Variants in DHRS12 observed in about 807,000 individuals in gnomAD.
The protein encoded by DHRS12 is dehydrogenase/reductase 12, also known as dehydrogenase/reductase SDR family member 12.
Under a neutral mutation model 32.1 loss-of-function variants are expected in DHRS12, and 29 were observed. That is an observed-to-expected ratio of 0.90 (90% CI 0.67 to 1.23). DHRS12 has a LOEUF of 1.23. DHRS12 is among the 50% of genes most tolerant of loss of function. DHRS12 has a pLI of 0.00. For missense variants in DHRS12, 330 were observed against 337.2 expected (o/e 0.98, Z 0.17); for synonymous variants, 150 against 135.9 (o/e 1.10, Z -0.72).
chr13:51,773,727 TC>T (rs1011983683), intron 6 of DHRS12, among the ~76,000 whole-genome samples: 1 of 151,812 alleles, frequency 6.6e-6, no homozygotes, highest in Non-Finnish European at 1.5e-5. Flanking sequence ...TTGTGGCTCC[TC>T]CCAGGATGCT....
At position 51,781,008 on chromosome 13, in the gene DHRS12, C is replaced by G. The variant is rs370282653; in HGVS notation, c.302-3887G>C. Among the ~76,000 whole-genome samples, 298 of 152,264 alleles carry G rather than the reference C, an allele frequency of 2.0e-3. 1 individual carries two copies. The highest frequency in any genetic ancestry group is 6.8e-3 in the African/African-American group (284 of 41,546). ...TGCTTCCATCCACGCTACTATCTGA[C>G]GGAGAAAACCATTGTCTTGCTGTCC... On this transcript the variant is annotated intron_variant, in intron 4 of 8. Coordinates refer to ENST00000444610, the MANE Select transcript of DHRS12 (RefSeq NM_001377533.1).
At chr13:51,778,863 C>G (rs1402180044) in intron 4 of DHRS12, among the ~76,000 whole-genome samples, 1 of 152,074 alleles carries the variant, frequency 6.6e-6, no homozygotes, top group Non-Finnish European at 1.5e-5. Context: ...CAATAATAAT[C>G]TGCTAAAATA....
At chr13:51,771,116 A>G in intron 7 of DHRS12, 1 of 1,483,982 alleles carries the variant, frequency 6.7e-7, no homozygotes, top group Admixed American at 2.2e-5. Context: ...GGGTGTGATA[A>G]TAGACAGTAG....
chr13:51,769,782 C>A (rs1953930069), intron 7 of DHRS12, among the ~76,000 whole-genome samples: 1 of 152,212 alleles, frequency 6.6e-6, no homozygotes, highest in Non-Finnish European at 1.5e-5. Flanking sequence ...GGAAAGAATT[C>A]TTCACTTCCT....
chr13:51,763,160 A>G (rs940242029), downstream of DHRS12: 7 of 152,230 alleles, frequency 4.6e-5, no homozygotes, highest in African/African-American at 1.4e-4. Context: ...ATCTAAAAGA[A>G]TGTTCAAGGA....
rs776157636 is a variant in DHRS12, at chr13:51,771,360, C to G, written c.559+461G>C. 21 of 1,612,996 alleles carry G rather than the reference C, an allele frequency of 1.3e-5. No homozygotes were observed. Among genetic ancestry groups the G allele is most frequent in the Admixed American group, 1.7e-5 (1 of 59,850 alleles). On this transcript the variant is annotated intron_variant, in intron 7 of 8. Coordinates refer to ENST00000444610, the MANE Select transcript of DHRS12 (RefSeq NM_001377533.1). The stretch of plus-strand genomic sequence containing the variant: ...CTGCTCCCCTCCACCGCTGCTCCAA[C>G]ACGCTTCCAGATCATTCGAGCTGTG...
chr13:51,771,562 G>A (rs1009576204), intron 7 of DHRS12: 65 of 1,586,606 alleles, frequency 4.1e-5, no homozygotes, highest in Admixed American at 8.6e-5. Flanking sequence ...TTAGCAGGGC[G>A]CCCCAGGCGC....
rs891347354 is a variant in DHRS12, at chr13:51,768,933, A to G, written c.697+223T>C. ...CCTCTCCCGTTCTCACAGGACCTTG[A>G]TGACAGGGTTATCACAAGTCTCCAA... On this transcript the variant is annotated intron_variant, in intron 8 of 8. Coordinates refer to ENST00000444610, the MANE Select transcript of DHRS12 (RefSeq NM_001377533.1). The G allele has an allele frequency of 1.4e-5, 20 of 1,397,798 alleles. No individual in the cohort carries two copies. In the African/African-American group the frequency reaches 3.0e-4, roughly 21 times the overall value. The allele number at this position is 1,397,798 out of a possible 1,614,324, so 86.6% of individuals were successfully genotyped here.
At chr13:51,756,487 G>T in the DHRS12 span, 1 of 1,604,322 alleles carries the variant, frequency 6.2e-7, no homozygotes, top group Non-Finnish European at 8.5e-7. Context: ...CCTGCAGACC[G>T]CTTCAGGTTA....
chr13:51,776,854 T>TTG (rs1263848726), intron 5 of DHRS12, among the ~76,000 whole-genome samples: 1 of 151,748 alleles, frequency 6.6e-6, no homozygotes, highest in East Asian at 2.0e-4. Flanking sequence ...GGGTCGGGGG[T>TTG]TGGGGGGGTT....
the DHRS12 span, chr13:51,756,666 G>T: frequency 3.1e-6 from 3 of 983,022 alleles, no homozygotes; most frequent in African/African-American, 1.7e-5. Flanking sequence ...TACACTCAAA[G>T]AATTCATCTC....
At chr13:51,760,970 G>A in the DHRS12 span, 2 of 152,234 alleles carry the variant, frequency 1.3e-5, no homozygotes, top group Non-Finnish European at 2.9e-5. Context: ...CTGAAAATAA[G>A]TGTCTTTAAG....
intron 8 of DHRS12, 77 bp from the exon 9 acceptor site, chr13:51,768,373 C>A (rs1317341316): frequency 1.3e-6 from 2 of 1,524,020 alleles, no homozygotes; most frequent in Non-Finnish European, 1.8e-6. Flanking sequence ...GCTGCTCAGG[C>A]CTTGAACCGA....
chr13:51,768,385 G>A (rs1953848715), intron 8 of DHRS12, 89 bp from the exon 9 acceptor site: 9 of 1,515,166 alleles, frequency 5.9e-6, no homozygotes, highest in East Asian at 2.5e-5. Flanking sequence ...TTGAACCGAC[G>A]CCTGCTGGAG....
chr13:51,765,317 T>C (rs1281668281), downstream of DHRS12: 1 of 152,210 alleles, frequency 6.6e-6, no homozygotes, highest in African/African-American at 2.4e-5. Flanking sequence ...GGTTTGTATT[T>C]TTGCCTTTAA....
intron 2 of DHRS12, among the ~76,000 whole-genome samples, chr13:51,794,597 C>T (rs184840958): frequency 6.6e-5 from 10 of 152,268 alleles, no homozygotes; most frequent in African/African-American, 2.4e-4. Flanking sequence ...CTTCCAGCCA[C>T]ATCAGGAGGC....
At chr13:51,790,143 C>A in intron 3 of DHRS12, 51 bp from the exon 4 acceptor site, 1 of 1,458,220 alleles carries the variant, frequency 6.9e-7, no homozygotes, top group Non-Finnish European at 9.3e-7. Context: ...GGCCAAAAGA[C>A]CTATTTCCAT....
intron 4 of DHRS12, among the ~76,000 whole-genome samples, chr13:51,787,868 A>AATATATATAATTATATATAATATATAAAT (rs61044310): frequency 7.0e-5 from 8 of 114,282 alleles, no homozygotes; most frequent in African/African-American, 2.8e-4. Context: ...ATAATATATA[A>AATATATATAATTATATATAATATATAAAT]ATATATAATT....
At chr13:51,802,270 C>T (rs1168331252) in intron 1 of DHRS12, among the ~76,000 whole-genome samples, 2 of 151,988 alleles carry the variant, frequency 1.3e-5, no homozygotes, top group Non-Finnish European at 2.9e-5. Context: ...CACCCAGCCT[C>T]GGTGCCAAAG....
Sources: allele counts gnomAD v4.1 joint callset (sites outside exome capture counted in the v4.1 genomes callset), GRCh38; gene constraint gnomAD v4.1.1; transcripts MANE v1.5; gene names NCBI Gene and HGNC (gene_info 2026-07-23, HGNC 2026-07-21).